Variants in ZNF609 observed in about 807,000 individuals in gnomAD.
ZNF609 encodes the protein zinc finger protein 609.
In ZNF609, 11 loss-of-function variants were observed where a neutral mutation model predicts 109.5. The ratio of observed to expected loss-of-function variants is 0.10; its 90% CI spans 0.06 to 0.17. The LOEUF (loss-of-function observed/expected upper bound fraction) is 0.17, where lower values mean the gene tolerates loss of function less well. Ranked by LOEUF, ZNF609 falls within the 10% of genes least tolerant of loss-of-function variation. ZNF609 has a pLI of 1.00. For missense variants in ZNF609, 1,559 were observed against 1,772.4 expected, an observed-to-expected ratio of 0.88 and a Z score of 2.16; for synonymous variants, 646 against 662.0, an observed-to-expected ratio of 0.98 and a Z score of 0.37.
At chr15:64,573,986 T>C (rs1415000255) in intron 2 of ZNF609, among the ~76,000 whole-genome samples, 1 of 152,042 alleles carries the variant, frequency 6.6e-6, no homozygotes, top group African/African-American at 2.4e-5. Context: ...CTGTATGAAT[T>C]AGTAGAGACC....
chr15:64,670,213 C>G (rs1439605769), intron 3 of ZNF609, 133 bp from the exon 4 acceptor site: 1 of 698,754 alleles, frequency 1.4e-6, no homozygotes, highest in Non-Finnish European at 2.6e-6. Context: ...CTGGCCCAAT[C>G]CTATTTGTCC....
intron 3 of ZNF609, among the ~76,000 whole-genome samples, chr15:64,634,748 C>G (rs1896147284): frequency 6.6e-6 from 1 of 152,134 alleles, no homozygotes; most frequent in Admixed American, 6.5e-5. Context: ...AGAAATAGCT[C>G]TACCAATAGC....
intron 2 of ZNF609, among the ~76,000 whole-genome samples, chr15:64,565,128 C>T (rs940214891): frequency 2.7e-5 from 4 of 148,352 alleles, no homozygotes; most frequent in Admixed American, 1.4e-4. Flanking sequence ...GGCGTGATCT[C>T]TGTTTACTGC....
rs1567036319 is a variant in ZNF609, at chr15:64,638,017, A to ATAT, written c.973+14965_973+14966insTAT. Among the ~76,000 whole-genome samples the ATAT allele has an allele frequency of 6.9e-4, 61 of 88,202 alleles. No homozygotes were observed. In the East Asian group the frequency reaches 0.019, roughly 27 times the overall value. The allele number at this position is 88,202 out of a possible 152,430, so 57.9% of individuals were successfully genotyped here. A position where few individuals can be genotyped will look rare whatever the true frequency, so the allele number is the denominator to read the frequency against. On this transcript the variant is annotated intron_variant, in intron 3 of 9. Coordinates refer to ENST00000326648, the MANE Select transcript of ZNF609 (RefSeq NM_015042.2). The stretch of plus-strand genomic sequence containing the variant: ...TTTTATATATATATATATATATATA[A>ATAT]AATATATATAAAAATACATATATAT...
chr15:64,573,134 G>A (rs913119312), intron 2 of ZNF609, among the ~76,000 whole-genome samples: 6 of 151,726 alleles, frequency 4.0e-5, no homozygotes, highest in Non-Finnish European at 7.4e-5. Flanking sequence ...GTAGAATGAT[G>A]GAATAGTTTA....
chr15:64,593,143 A>G (rs1895330565), intron 2 of ZNF609: 3 of 1,584,428 alleles, frequency 1.9e-6, no homozygotes, highest in Non-Finnish European at 2.6e-6. Context: ...ACATTTCTGA[A>G]GCGAGCGTCT....
chr15:64,622,722 T>G (rs900323478), intron 2 of ZNF609, 105 bp from the exon 3 acceptor site: 2 of 961,822 alleles, frequency 2.1e-6, no homozygotes, highest in African/African-American at 3.2e-5. Context: ...TATAGCCGTC[T>G]GCACTCTGGC....
At chr15:64,537,980 C>T (rs576786665) in intron 2 of ZNF609, among the ~76,000 whole-genome samples, 2 of 151,908 alleles carry the variant, frequency 1.3e-5, no homozygotes, top group Non-Finnish European at 2.9e-5. Context: ...GTGGCGCATG[C>T]CTGTAATCCC....
At chr15:64,601,234 G>C (rs905532727) in intron 2 of ZNF609, among the ~76,000 whole-genome samples, 1 of 152,188 alleles carries the variant, frequency 6.6e-6, no homozygotes, top group Non-Finnish European at 1.5e-5. Flanking sequence ...TGGACGATGA[G>C]GCTGAGGAAG....
intron 2 of ZNF609, among the ~76,000 whole-genome samples, chr15:64,510,767 G>A (rs1271221546): frequency 6.6e-6 from 1 of 151,932 alleles, no homozygotes; most frequent in Non-Finnish European, 1.5e-5. Flanking sequence ...TGTCCATTGG[G>A]ATGTGACAAT....
chr15:64,528,332 C>T (rs934683420), intron 2 of ZNF609, among the ~76,000 whole-genome samples: 8 of 151,556 alleles, frequency 5.3e-5, no homozygotes, highest in African/African-American at 1.9e-4. Flanking sequence ...CTCCTGACCT[C>T]TTGATCCAGA....
intron 2 of ZNF609, chr15:64,503,121 A>G (rs1401880310): frequency 1.3e-5 from 2 of 151,972 alleles, no homozygotes; most frequent in Non-Finnish European, 1.5e-5. Context: ...GAAGGTAGAT[A>G]TCTCAGGCTA....
intron 1 of ZNF609, among the ~76,000 whole-genome samples, chr15:64,486,014 A>G (rs2140340728): frequency 6.6e-6 from 1 of 152,142 alleles, no homozygotes; most frequent in African/African-American, 2.4e-5. Context: ...TATTTTCACC[A>G]CCACAGTCAA....
chr15:64,585,279 C>T (rs961156225), intron 2 of ZNF609, among the ~76,000 whole-genome samples: 9 of 151,972 alleles, frequency 5.9e-5, no homozygotes, highest in Admixed American at 3.3e-4. Flanking sequence ...GAGCCAAGAT[C>T]GTGTCACTGC....
intron 2 of ZNF609, among the ~76,000 whole-genome samples, chr15:64,539,822 T>C (rs953412247): frequency 2.1e-5 from 3 of 143,898 alleles, no homozygotes; most frequent in East Asian, 4.0e-4. Context: ...TTTTTAGTAG[T>C]GACAGGGTTT....
At chr15:64,600,938 G>C (rs1389888759) in intron 2 of ZNF609, among the ~76,000 whole-genome samples, 1 of 152,106 alleles carries the variant, frequency 6.6e-6, no homozygotes, top group Admixed American at 6.6e-5. Flanking sequence ...TTCTGCTTCA[G>C]AGTATATTTG....
chr15:64,615,210 C>T (rs1391616750), intron 2 of ZNF609, among the ~76,000 whole-genome samples: 1 of 152,064 alleles, frequency 6.6e-6, no homozygotes, highest in South Asian at 2.1e-4. Context: ...ACTGCAGCCT[C>T]AACCTTCTGG....
At chr15:64,658,979 G>C (rs916817365) in intron 3 of ZNF609, among the ~76,000 whole-genome samples, 3 of 151,856 alleles carry the variant, frequency 2.0e-5, no homozygotes, top group Admixed American at 2.0e-4. Flanking sequence ...ATTTTTAGTA[G>C]AGACGGGGTT....
chr15:64,475,012 T>G (rs981221260), intron 1 of ZNF609, among the ~76,000 whole-genome samples: 1 of 151,350 alleles, frequency 6.6e-6, no homozygotes, highest in Non-Finnish European at 1.5e-5. Context: ...CTGGCTGGCC[T>G]CAAACTCCTG....
Sources: gnomAD v4.1 joint callset for allele counts (sites outside exome capture counted in the v4.1 genomes callset) on GRCh38, gnomAD v4.1.1 for gene constraint, MANE v1.5 for transcripts, NCBI Gene and HGNC (gene_info 2026-07-23, HGNC 2026-07-21) for gene names.